The following STK3 variants were observed in gnomAD, a reference collection of about 807,000 sequenced individuals.
STK3 encodes serine/threonine kinase 3, also known as serine/threonine-protein kinase 3.
A neutral mutation model predicts 58.0 loss-of-function variants in STK3; 41 were observed. That is an observed-to-expected ratio of 0.71 (90% CI 0.55 to 0.92). STK3 has a LOEUF of 0.92. Among genes scored for constraint, STK3 ranks in the 40% least tolerant of loss-of-function variants. The pLI, the probability that STK3 is intolerant of heterozygous loss-of-function variation, is 0.00. For missense variants in STK3, 479 were observed against 602.7 expected, an observed-to-expected ratio of 0.79 and a Z score of 2.15; for synonymous variants, 170 against 191.0, an observed-to-expected ratio of 0.89 and a Z score of 0.91.
intron 6 of STK3, among the ~76,000 whole-genome samples, chr8:98,703,665 C>T (rs907281543): frequency 1.3e-5 from 2 of 152,148 alleles, no homozygotes; most frequent in African/African-American, 4.8e-5. Context: ...AACTGTCTCT[C>T]AGCAGCATCC....
chr8:98,618,492 G>C (rs1035341616), intron 6 of STK3, among the ~76,000 whole-genome samples: 218 of 151,696 alleles, frequency 1.4e-3, no homozygotes, highest in Middle Eastern at 3.4e-3. Context: ...GGAAATAAAG[G>C]GTATTCAATT....
chr8:98,877,895 G>T (rs1469514893), intron 3 of STK3, among the ~76,000 whole-genome samples: 2 of 152,012 alleles, frequency 1.3e-5, no homozygotes, highest in Non-Finnish European at 1.5e-5. Context: ...TAAAATAAAA[G>T]AATTATAGAG....
At chr8:98,429,597 T>C (rs1818299473) in intron 3 of STK3, 2 of 580,296 alleles carry the variant, frequency 3.4e-6, no homozygotes, top group East Asian at 5.6e-5. Context: ...GTGGTGTGTC[T>C]GACACCATGC....
At chr8:98,913,099 T>C (rs1373540110) in intron 1 of STK3, among the ~76,000 whole-genome samples, 1 of 150,530 alleles carries the variant, frequency 6.6e-6, no homozygotes, top group African/African-American at 2.5e-5. Flanking sequence ...GAAACTAAAT[T>C]GATTTTAAAA....
At chr8:98,886,888 A>G (rs979597966) in intron 1 of STK3, among the ~76,000 whole-genome samples, 2 of 152,146 alleles carry the variant, frequency 1.3e-5, no homozygotes, top group African/African-American at 2.4e-5. Context: ...ACCTGAGGTC[A>G]GCAGTTTGAG....
intron 8 of STK3, among the ~76,000 whole-genome samples, chr8:98,566,631 C>T (rs1181453806): frequency 6.6e-6 from 1 of 152,016 alleles, no homozygotes; most frequent in Non-Finnish European, 1.5e-5. Flanking sequence ...TGGTCCAATG[C>T]TAAACTTGCT....
chr8:98,898,943 C>T (rs1281364651), intron 1 of STK3, among the ~76,000 whole-genome samples: 1 of 152,174 alleles, frequency 6.6e-6, no homozygotes, highest in East Asian at 1.9e-4. Flanking sequence ...AATCCCCAGT[C>T]CCCTCTCCTA....
the STK3 span, among the ~76,000 whole-genome samples, chr8:98,360,478 T>C: frequency 6.6e-6 from 1 of 152,170 alleles, no homozygotes; most frequent in East Asian, 1.9e-4. Flanking sequence ...TCTCCAAGGC[T>C]ACGAAGACAA....
At chr8:98,406,364 T>C (rs1817993271) in intron 3 of STK3, among the ~76,000 whole-genome samples, 1 of 152,100 alleles carries the variant, frequency 6.6e-6, no homozygotes, top group Non-Finnish European at 1.5e-5. Flanking sequence ...AAATTGTGTG[T>C]TGCTGGCATT....
intron 1 of STK3, among the ~76,000 whole-genome samples, chr8:98,893,472 A>AAGAGAAAGAAAGAG (rs1333075675): frequency 3.5e-5 from 3 of 86,178 alleles, no homozygotes; most frequent in African/African-American, 1.8e-4. Context: ...GAAAGAAAGA[A>AAGAGAAAGAAAGAG]AGAAAGAAAG....
intron 10 of STK3, among the ~76,000 whole-genome samples, chr8:98,460,852 C>T (rs188074575): frequency 5.3e-4 from 80 of 152,286 alleles, no homozygotes; most frequent in Admixed American, 4.6e-4. Context: ...TCCCCAGGCA[C>T]GCAGAACTAT....
chr8:98,927,511 C>T (rs1315020276), intron 1 of STK3, among the ~76,000 whole-genome samples: 2 of 152,218 alleles, frequency 1.3e-5, no homozygotes, highest in East Asian at 1.9e-4. Context: ...TGAGTGCTTA[C>T]CCTGTGCTGG....
chr8:98,742,401 T>A (rs548190277), intron 4 of STK3, among the ~76,000 whole-genome samples: 1 of 125,660 alleles, frequency 8.0e-6, no homozygotes, highest in South Asian at 2.3e-4. Context: ...GTGGGATTCA[T>A]CCCTGGGATG....
At chr8:98,708,775 G>A (rs1253106892) in intron 4 of STK3, among the ~76,000 whole-genome samples, 2 of 152,138 alleles carry the variant, frequency 1.3e-5, no homozygotes, top group Non-Finnish European at 2.9e-5. Flanking sequence ...TGAATTGACT[G>A]AGTGAGTGAG....
intron 6 of STK3, chr8:98,597,756 C>T (rs1815954642): frequency 6.1e-6 from 6 of 984,860 alleles, no homozygotes; most frequent in East Asian, 1.1e-4. Flanking sequence ...CTTATAAACC[C>T]GGCTATTACA....
intron 1 of STK3, among the ~76,000 whole-genome samples, chr8:98,923,510 A>T (rs986305099): frequency 5.3e-5 from 8 of 152,234 alleles, no homozygotes; most frequent in African/African-American, 1.9e-4. Context: ...GAAAACTGTG[A>T]CAGAAGAAAT....
intron 1 of STK3, among the ~76,000 whole-genome samples, chr8:98,382,855 G>T (rs1284604982): frequency 6.6e-6 from 1 of 152,202 alleles, no homozygotes; most frequent in African/African-American, 2.4e-5. Context: ...GGCTGGGGTG[G>T]GGACCAGCCT....
intron 10 of STK3, among the ~76,000 whole-genome samples, chr8:98,514,959 A>C (rs560254082): frequency 3.7e-4 from 57 of 152,032 alleles, no homozygotes; most frequent in Admixed American, 9.8e-4. Flanking sequence ...AAAACCATCA[A>C]TCTAATTATC....
intron 7 of STK3, among the ~76,000 whole-genome samples, chr8:98,586,340 A>T (rs1299813767): frequency 1.7e-4 from 26 of 152,150 alleles, no homozygotes; most frequent in Admixed American, 1.7e-3. Context: ...CCTTTTCTGC[A>T]TCTAATGAGA....
Sources: gnomAD v4.1 joint callset for allele counts (sites outside exome capture counted in the v4.1 genomes callset) on GRCh38, gnomAD v4.1.1 for gene constraint, MANE v1.5 for transcripts, NCBI Gene and HGNC (gene_info 2026-07-23, HGNC 2026-07-21) for gene names.